CSN1S1: variants seen among roughly 807,000 people sequenced by gnomAD.
CSN1S1 encodes casein alpha s1, also known as alpha-S1-casein.
Under a neutral mutation model 49.1 loss-of-function variants are expected in CSN1S1, and 63 were observed. The observed-to-expected ratio is 1.28, with a 90% CI of 1.05 to 1.58. The LOEUF is 1.58. Ranked by LOEUF, CSN1S1 falls within the 40% of genes most tolerant of loss-of-function variation. CSN1S1 has a pLI of 0.00. For synonymous variants in CSN1S1, 78 were observed against 67.1 expected (o/e 1.16, Z -0.79); for missense variants, 260 against 224.7 (o/e 1.16, Z -1.01).
intron 14 of CSN1S1, among the ~76,000 whole-genome samples, chr4:69,944,031 C>G (rs1332607367): frequency 1.3e-5 from 2 of 151,866 alleles, no homozygotes; most frequent in African/African-American, 2.4e-5. Flanking sequence ...CTCTCGGTCT[C>G]TCTATTAAGA....
chr4:69,941,620 C>G (rs1385679491), intron 12 of CSN1S1, among the ~76,000 whole-genome samples: 1 of 151,828 alleles, frequency 6.6e-6, no homozygotes, highest in African/African-American at 2.4e-5. Context: ...TTGGGAAATG[C>G]TTGGTTTTAG....
intron 5 of CSN1S1, 45 bp from the exon 6 acceptor site, chr4:69,936,411 T>C (rs1722785086): frequency 3.6e-6 from 5 of 1,398,086 alleles, no homozygotes; most frequent in Middle Eastern, 3.7e-4. Flanking sequence ...CTCATGTATG[T>C]CTTGTTTCAC....
chr4:69,935,102 T>G (rs972746152), intron 4 of CSN1S1, among the ~76,000 whole-genome samples: 19 of 152,128 alleles, frequency 1.2e-4, no homozygotes, highest in Non-Finnish European at 2.8e-4. Context: ...GTTTTTATTA[T>G]TTTTATAATT....
chr4:69,935,161 G>C (rs1351401915), intron 4 of CSN1S1, among the ~76,000 whole-genome samples: 1 of 151,914 alleles, frequency 6.6e-6, no homozygotes, highest in Non-Finnish European at 1.5e-5. Context: ...AGTTTCTCAG[G>C]CTTCTTCTGG....
chr4:69,944,072 C>A (rs1578138278), intron 14 of CSN1S1, among the ~76,000 whole-genome samples: 1 of 151,748 alleles, frequency 6.6e-6, no homozygotes, highest in Non-Finnish European at 1.5e-5. Context: ...AGGTAGTTAC[C>A]TTATTTTATC....
In CSN1S1 at chr4:69,942,061, CA is replaced by C; in HGVS notation, c.359del (p.Gln120ArgfsTer7). The C allele has an allele frequency of 6.9e-7, 1 of 1,457,476 alleles. No homozygotes were observed. The highest frequency in any genetic ancestry group is 9.3e-7 in the Non-Finnish European group (1 of 1,079,840). The allele number at this position is 1,457,476 out of a possible 1,614,324, so 90.3% of individuals were successfully genotyped here. A position where few individuals can be genotyped will look rare whatever the true frequency, so the allele number is the denominator to read the frequency against. On this transcript the variant is annotated frameshift_variant and splice_region_variant, in exon 13 of 16. Transcript: ENST00000246891. LOFTEE classifies it high-confidence loss of function. The part of the protein sequence containing the change: ...NQLQLQAAHA[Q>X]EQIRRMNENS... Reference sequence around the variant, plus strand: ...TCCTCCCTAGCAAGCTGCCCATGCCCAGGTGAGATTATTTATTAAATCTAAA... The same window carrying C: ...TCCTCCCTAGCAAGCTGCCCATGCCCGGTGAGATTATTTATTAAATCTAAA...
At chr4:69,942,224 ATAAT>A (rs1722992543) in intron 13 of CSN1S1, among the ~76,000 whole-genome samples, 161 bp downstream of exon 13, 1 of 151,970 alleles carries the variant, frequency 6.6e-6, no homozygotes, top group Admixed American at 6.6e-5. Context: ...CAAAATTTAA[ATAAT>A]TAATAAATAG....
chr4:69,934,033 ATTTCT>A lies in CSN1S1; in HGVS notation c.52-175_52-171del, dbSNP rs569616971. On this transcript the variant is annotated intron_variant, in intron 2 of 15. Transcript: ENST00000246891. The stretch of plus-strand genomic sequence containing the variant: ...TGATATTTGTCTAAAAATAATTATG[ATTTCT>A]TTTTTTTTCCCTGTAGTCCCAGAGA... Among the ~76,000 whole-genome samples, 154 of 152,020 alleles carry A rather than the reference ATTTCT, an allele frequency of 1.0e-3. 6 individuals are homozygous for A. The South Asian group carries it at 0.03, about 30-fold the overall frequency.
At chr4:69,933,822 A>AT (rs567322666) in intron 2 of CSN1S1, among the ~76,000 whole-genome samples, 1 of 152,010 alleles carries the variant, frequency 6.6e-6, no homozygotes, top group Admixed American at 6.6e-5. Flanking sequence ...TTTGCCCAAC[A>AT]TTTTTTATAC....
intron 8 of CSN1S1, 107 bp downstream of exon 8, chr4:69,937,251 T>G: frequency 1.2e-6 from 1 of 811,022 alleles, no homozygotes; most frequent in Non-Finnish European, 1.9e-6. Flanking sequence ...CAGATAACTC[T>G]AATTCAAAGA....
chr4:69,942,696 C>T, intron 14 of CSN1S1, 119 bp downstream of exon 14: 2 of 741,472 alleles, frequency 2.7e-6, no homozygotes, highest in South Asian at 3.6e-5. Flanking sequence ...TTTCTCACTC[C>T]CAACTTAAAT....
chr4:69,942,851 T>G (rs868661936), intron 14 of CSN1S1, among the ~76,000 whole-genome samples: 2 of 151,922 alleles, frequency 1.3e-5, no homozygotes, highest in Admixed American at 6.6e-5. Flanking sequence ...ATGTTTACAG[T>G]GACATATTGT....
Position 69,939,160 on chromosome 4 carries a change from G to T in CSN1S1, c.244-16G>T, listed in dbSNP as rs773967927. On this transcript the variant is annotated splice_polypyrimidine_tract_variant and intron_variant, in intron 9 of 15. Transcript: ENST00000246891. ...AAATCCCAGGGGATAATTAACACTAGATTTCTTTCTTTTAGAAGATGGAAT... is the reference window on the plus strand; with the variant it reads ...AAATCCCAGGGGATAATTAACACTATATTTCTTTCTTTTAGAAGATGGAAT... 3.2e-6 allele frequency: 5 copies of T among 1,586,674 alleles called. No homozygotes were observed. Among genetic ancestry groups the T allele is most frequent in the African/African-American group, 1.3e-5 (1 of 74,154 alleles).
At position 69,937,753 on chromosome 4, in the gene CSN1S1, G is replaced by A. The variant is rs769158373; in HGVS notation, c.220-47G>A. ...TTTGGTAATCATTACTTTTGTATTT[G>A]ACTATTTGTCATGAAAAATGAAATT... On this transcript the variant is annotated intron_variant, in intron 8 of 15. Coordinates refer to ENST00000246891, the MANE Select transcript of CSN1S1 (RefSeq NM_001890.2). 20 of 1,442,392 alleles carry A rather than the reference G, an allele frequency of 1.4e-5. No homozygotes were observed. In the African/African-American group the frequency reaches 2.6e-4, roughly 19 times the overall value. 89.3% of individuals were successfully genotyped at this position (1,442,392 alleles called of 1,614,324 possible). A position where few individuals can be genotyped will look rare whatever the true frequency, so the allele number is the denominator to read the frequency against.
At chr4:69,932,509 A>G in intron 1 of CSN1S1, 35 bp from the exon 2 acceptor site, 2 of 1,534,322 alleles carry the variant, frequency 1.3e-6, no homozygotes, top group Non-Finnish European at 1.8e-6. Context: ...TAACGTAATA[A>G]TATCTAACTC....
intron 3 of CSN1S1, 68 bp from the exon 4 acceptor site, chr4:69,934,622 G>T: frequency 7.0e-7 from 1 of 1,436,264 alleles, no homozygotes; most frequent in African/African-American, 1.4e-5. Context: ...CTTTCTATGA[G>T]CACAACTAAT....
At chr4:69,942,503 TA>T in intron 13 of CSN1S1, 32 bp from the exon 14 acceptor site, 1 of 1,533,122 alleles carries the variant, frequency 6.5e-7, no homozygotes, top group Non-Finnish European at 8.9e-7. Context: ...AGAAGATGTC[TA>T]AGTAATTTAG....
At chr4:69,945,742 T>A (rs1212801966) in intron 15 of CSN1S1, among the ~76,000 whole-genome samples, 1 of 151,932 alleles carries the variant, frequency 6.6e-6, no homozygotes, top group Non-Finnish European at 1.5e-5. Flanking sequence ...CAAATAGACA[T>A]CCTTAACAAG....
At chr4:69,934,279 C>T in intron 3 of CSN1S1, 35 bp downstream of exon 3, 5 of 1,600,048 alleles carry the variant, frequency 3.1e-6, no homozygotes, top group Non-Finnish European at 4.3e-6. Context: ...AGAACTCACT[C>T]TAATTGTGAA....
Sources: gnomAD v4.1 joint callset for allele counts (sites outside exome capture counted in the v4.1 genomes callset) on GRCh38, gnomAD v4.1.1 for gene constraint, MANE v1.5 for transcripts, NCBI Gene and HGNC (gene_info 2026-07-23, HGNC 2026-07-21) for gene names.